SEMA6D: variants seen among roughly 807,000 people sequenced by gnomAD.
SEMA6D encodes semaphorin-6D.
SEMA6D carries 35 observed loss-of-function variants against 106.6 expected under a neutral mutation model. The ratio of observed to expected loss-of-function variants is 0.33; its 90% CI spans 0.25 to 0.44. SEMA6D has a LOEUF of 0.44. Ranked by LOEUF, SEMA6D falls within the 20% of genes least tolerant of loss-of-function variation. The pLI is 1.00. For synonymous variants in SEMA6D, 499 were observed against 487.7 expected (o/e 1.02, Z -0.31); for missense variants, 1,185 against 1,345.9 (o/e 0.88, Z 1.87).
intron 1 of SEMA6D, among the ~76,000 whole-genome samples, chr15:47,230,818 C>T (rs1289887281): frequency 6.6e-6 from 1 of 151,952 alleles, no homozygotes; most frequent in Admixed American, 6.6e-5. Context: ...TTCTGATGCA[C>T]TCTTAAAGAA....
chr15:47,523,886 T>G (rs2044667333), intron 3 of SEMA6D, among the ~76,000 whole-genome samples: 1 of 152,194 alleles, frequency 6.6e-6, no homozygotes, highest in Admixed American at 6.5e-5. Flanking sequence ...ATGTGGTAAC[T>G]CAGAACTCCA....
At chr15:47,244,811 G>A (rs990490174) in intron 1 of SEMA6D, among the ~76,000 whole-genome samples, 1 of 152,178 alleles carries the variant, frequency 6.6e-6, no homozygotes, top group African/African-American at 2.4e-5. Flanking sequence ...AGTGAGAATA[G>A]TACTCAACAG....
chr15:47,324,611 T>C (rs542444088), intron 1 of SEMA6D, among the ~76,000 whole-genome samples: 2 of 151,494 alleles, frequency 1.3e-5, no homozygotes, highest in South Asian at 4.2e-4. Context: ...CCAACTGGTA[T>C]ATGAGAAAAA....
intron 2 of SEMA6D, among the ~76,000 whole-genome samples, chr15:47,454,548 G>C (rs963337649): frequency 6.6e-6 from 1 of 151,622 alleles, no homozygotes; most frequent in Non-Finnish European, 1.5e-5. Context: ...AATTCACTGT[G>C]AGACAGCTAA....
rs551336519 is a variant in SEMA6D, at chr15:47,597,891, CTG to C, written c.-86-2970_-86-2969del. Among the ~76,000 whole-genome samples, 50 of 150,084 alleles carry C rather than the reference CTG, an allele frequency of 3.3e-4. 1 individual carries two copies. The East Asian group carries it at 9.1e-3, about 27-fold the overall frequency. ...ATATATAACATATAAAATAACATCA[CTG>C]TGTACCCCCATAATTGTATGTAATT... On this transcript the variant is annotated intron_variant, in intron 3 of 19. Transcript: ENST00000558014.
chr15:47,309,467 C>G (rs2036359488), intron 1 of SEMA6D, among the ~76,000 whole-genome samples: 1 of 152,024 alleles, frequency 6.6e-6, no homozygotes, highest in African/African-American at 2.4e-5. Flanking sequence ...AATAATGGTC[C>G]CAATGCACAA....
At chr15:47,202,924 G>GGT (rs1170963167) in intron 1 of SEMA6D, among the ~76,000 whole-genome samples, 2 of 152,156 alleles carry the variant, frequency 1.3e-5, no homozygotes, top group Non-Finnish European at 2.9e-5. Context: ...TATCCACCAT[G>GGT]GTGTATAAAA....
chr15:47,186,592 G>A (rs760748790), intron 1 of SEMA6D, among the ~76,000 whole-genome samples: 5 of 150,316 alleles, frequency 3.3e-5, no homozygotes, highest in Non-Finnish European at 5.9e-5. Context: ...TTTCAATGCC[G>A]TTCGTGCCCA....
Position 47,761,185 on chromosome 15 carries a change from G to C in SEMA6D, c.310G>C (p.Asp104His), listed in dbSNP as rs1478824488. ...KKLTWRSRQQ[D>H]RENCAMKGKH... ...ACTGACATGGCGATCAAGACAACAG[G>C]ATCGAGAAAACTGTGCTATGAAAGG... Residue 104 changes from aspartate to histidine, a missense_variant, in exon 5 of 19, where the codon GAT (aspartate) becomes CAT (histidine). Physicochemically the swap from Asp to His is moderately conservative, Grantham distance 81 (BLOSUM62 -1). Around this residue, in one of 3 missense-constraint regions of SEMA6D, gnomAD observed 144 missense variants for 138.6 expected, o/e 1.04. Coordinates refer to ENST00000536845, the MANE Select transcript of SEMA6D (RefSeq NM_001358351.3). The C allele has an allele frequency of 1.9e-6, 3 of 1,613,806 alleles. No homozygotes were observed. The highest frequency in any genetic ancestry group is 3.3e-5 in the Admixed American group (2 of 60,016).
At chr15:47,224,175 TAATAAA>T (rs2031454036) in intron 1 of SEMA6D, among the ~76,000 whole-genome samples, 1 of 149,204 alleles carries the variant, frequency 6.7e-6, no homozygotes, top group African/African-American at 2.5e-5. Flanking sequence ...GAAAAAAAAA[TAATAAA>T]ATAAAATTAA....
chr15:47,504,831 C>T (rs1027790854), intron 3 of SEMA6D, among the ~76,000 whole-genome samples: 2 of 152,208 alleles, frequency 1.3e-5, no homozygotes, highest in African/African-American at 4.8e-5. Context: ...CTGGTTTTAC[C>T]AGTCACTTCC....
rs1036355602 is a variant in SEMA6D, at chr15:47,772,552, A to C, written c.*767A>C. ...TAGAATCGAGGCTCCTTTGACCATC[A>C]AAATGATGAACTTTACTTATGTGGT... On this transcript the variant is annotated 3_prime_UTR_variant, in exon 19 of 19. Coordinates refer to ENST00000536845, the MANE Select transcript of SEMA6D (RefSeq NM_001358351.3). The C allele has an allele frequency of 3.9e-5, 6 of 152,556 alleles. No homozygotes were observed. The highest frequency in any genetic ancestry group is 1.4e-4 in the African/African-American group (6 of 41,416). The allele number at this position is 152,556 out of a possible 1,614,324, so 9.5% of individuals were successfully genotyped here.
chr15:47,344,677 G>C (rs1460356540), intron 1 of SEMA6D, among the ~76,000 whole-genome samples: 1 of 152,198 alleles, frequency 6.6e-6, no homozygotes, highest in East Asian at 1.9e-4. Context: ...TGAGAATTCA[G>C]TTAAGTATTG....
chr15:47,712,327 A>G (rs1311481363), intron 4 of SEMA6D, among the ~76,000 whole-genome samples: 1 of 152,216 alleles, frequency 6.6e-6, no homozygotes, highest in Non-Finnish European at 1.5e-5. Flanking sequence ...TTTTCATAGA[A>G]TGGTATACTA....
chr15:47,270,669 C>T (rs1193501926), intron 1 of SEMA6D, among the ~76,000 whole-genome samples: 1 of 152,144 alleles, frequency 6.6e-6, no homozygotes, highest in Non-Finnish European at 1.5e-5. Flanking sequence ...AGCAATTCAT[C>T]TATGAATGGA....
At chr15:47,687,943 A>T (rs2078504075) in intron 4 of SEMA6D, among the ~76,000 whole-genome samples, 2 of 152,164 alleles carry the variant, frequency 1.3e-5, no homozygotes, top group African/African-American at 2.4e-5. Context: ...GACATGTAGA[A>T]TTTTGATAGC....
chr15:47,360,174 A>G (rs930153477), intron 1 of SEMA6D: 2 of 152,182 alleles, frequency 1.3e-5, no homozygotes, highest in South Asian at 2.1e-4. Flanking sequence ...CTAAAACTTA[A>G]TGAATCCTTA....
intron 1 of SEMA6D, among the ~76,000 whole-genome samples, chr15:47,331,266 C>T (rs915154591): frequency 1.5e-4 from 23 of 152,152 alleles, no homozygotes; most frequent in Non-Finnish European, 2.8e-4. Flanking sequence ...CCCTGATCAA[C>T]GATCATATAT....
intron 1 of SEMA6D, among the ~76,000 whole-genome samples, chr15:47,225,114 A>T (rs1428816415): frequency 6.6e-6 from 1 of 151,888 alleles, no homozygotes; most frequent in East Asian, 1.9e-4. Flanking sequence ...ATCACTGGGA[A>T]TGTCACCAAC....
Sources: gnomAD v4.1 joint callset for allele counts (sites outside exome capture counted in the v4.1 genomes callset) on GRCh38, gnomAD v4.1.1 for gene constraint, gnomAD v4.1.1 regional missense constraint, MANE v1.5 for transcripts, NCBI Gene and HGNC (gene_info 2026-07-23, HGNC 2026-07-21) for gene names.